RFX3: variants seen among roughly 807,000 people sequenced by gnomAD.
The protein encoded by RFX3 is transcription factor RFX3.
In RFX3, 14 loss-of-function variants were observed where a neutral mutation model predicts 98.6. The ratio of observed to expected loss-of-function variants is 0.14; its 90% CI spans 0.09 to 0.22. RFX3 has a LOEUF of 0.22. Ranked by LOEUF, RFX3 falls within the 10% of genes least tolerant of loss-of-function variation. The pLI is 1.00. For synonymous variants in RFX3, 383 were observed against 328.4 expected, an observed-to-expected ratio of 1.17 and a Z score of -1.80; for missense variants, 639 against 926.9, an observed-to-expected ratio of 0.69 and a Z score of 4.03.
At chr9:3,518,692 A>C (rs1387130763) in intron 1 of RFX3, among the ~76,000 whole-genome samples, 1 of 152,224 alleles carries the variant, frequency 6.6e-6, no homozygotes, top group Non-Finnish European at 1.5e-5. Context: ...TTAATAATTA[A>C]GCAGCCAACT....
intron 1 of RFX3, among the ~76,000 whole-genome samples, chr9:3,454,490 C>T (rs1846971771): frequency 6.6e-6 from 1 of 152,136 alleles, no homozygotes; most frequent in East Asian, 1.9e-4. Flanking sequence ...GTAAAACTCA[C>T]TTAAAATCAC....
intron 8 of RFX3, among the ~76,000 whole-genome samples, chr9:3,276,552 A>G (rs1268036090): frequency 6.6e-6 from 1 of 152,128 alleles, no homozygotes; most frequent in African/African-American, 2.4e-5. Context: ...GGTCCACAAG[A>G]ATATAACCCT....
At position 3,412,989 on chromosome 9, in the gene RFX3, T is replaced by C. The variant is rs184048329; in HGVS notation, c.-8-17393A>G. On this transcript the variant is annotated intron_variant, in intron 1 of 16. Transcript: ENST00000617270. ...ATATGTTTTATATTGAGTCTAAAAA[T>C]CACACTTCTTTAATTGGTTAAAGCA... Among the ~76,000 whole-genome samples the C allele has an allele frequency of 1.5e-3, 235 of 152,204 alleles. 1 individual carries two copies. The highest frequency in any genetic ancestry group is 5.4e-3 in the African/African-American group (223 of 41,556).
intron 2 of RFX3, among the ~76,000 whole-genome samples, chr9:3,353,358 T>C (rs116685731): frequency 0.072 from 10,961 of 151,866 alleles, 494 homozygotes; most frequent in African/African-American, 0.12. Context: ...AATACTAAAA[T>C]AAAATAAAAT....
At chr9:3,443,196 A>G (rs1845748772) in intron 1 of RFX3, among the ~76,000 whole-genome samples, 1 of 152,154 alleles carries the variant, frequency 6.6e-6, no homozygotes, top group African/African-American at 2.4e-5. Flanking sequence ...CTAACATTTT[A>G]TTTTCTTCAA....
At position 3,312,180 on chromosome 9, in the gene RFX3, G is replaced by T. The variant is rs558899382; in HGVS notation, c.475-10560C>A. On this transcript the variant is annotated intron_variant, in intron 4 of 16. Coordinates refer to ENST00000617270, the MANE Select transcript of RFX3 (RefSeq NM_001282116.2). ...TTTAGTTTCAGTCATATGTATACAT[G>T]TACATGTATATACATAGTCACATGT... is the stretch of plus-strand genomic sequence containing the variant. Among the ~76,000 whole-genome samples, 7 of 152,242 alleles carry T rather than the reference G, an allele frequency of 4.6e-5. 1 individual carries two copies. The South Asian group carries it at 1.5e-3, about 32-fold the overall frequency.
chr9:3,500,365 G>C (rs1459961979), intron 1 of RFX3, among the ~76,000 whole-genome samples: 5 of 152,084 alleles, frequency 3.3e-5, no homozygotes, highest in Non-Finnish European at 7.4e-5. Flanking sequence ...TTTGTTAAAA[G>C]AAATGTGGAT....
At chr9:3,451,406 C>G (rs576324744) in intron 1 of RFX3, among the ~76,000 whole-genome samples, 9 of 152,122 alleles carry the variant, frequency 5.9e-5, no homozygotes, top group African/African-American at 1.9e-4. Flanking sequence ...ATTAGCAGGG[C>G]ATGGTGGCGT....
chr9:3,377,817 C>G lies in RFX3; in HGVS notation c.117+17655G>C, dbSNP rs200093981. On this transcript the variant is annotated intron_variant, in intron 2 of 16. Transcript: ENST00000617270. ...ATACAGGTATATATGTTTGCCAAAACTCATCAAACAGTACACTTAAATAGG... is the reference window on the plus strand; with the variant it reads ...ATACAGGTATATATGTTTGCCAAAAGTCATCAAACAGTACACTTAAATAGG... Among the ~76,000 whole-genome samples the G allele has an allele frequency of 4.2e-4, 64 of 152,168 alleles. 1 individual carries two copies. In the East Asian group the frequency reaches 8.5e-3, roughly 20 times the overall value.
At chr9:3,296,952 T>C (rs528679226) in intron 5 of RFX3, among the ~76,000 whole-genome samples, 2 of 152,216 alleles carry the variant, frequency 1.3e-5, no homozygotes, top group Admixed American at 1.3e-4. Flanking sequence ...ATTTAACTTT[T>C]ACGTTTTGAC....
intron 1 of RFX3, among the ~76,000 whole-genome samples, chr9:3,419,080 T>C (rs955990386): frequency 2.0e-5 from 3 of 152,224 alleles, no homozygotes; most frequent in African/African-American, 7.2e-5. Flanking sequence ...TTTATGAATT[T>C]GTTTTAAATG....
intron 2 of RFX3, among the ~76,000 whole-genome samples, chr9:3,381,104 C>T (rs1347428311): frequency 1.3e-5 from 2 of 152,016 alleles, no homozygotes; most frequent in African/African-American, 4.8e-5. Flanking sequence ...TAAGCATAAT[C>T]ATGAGTTTTA....
rs1294534769 is a variant in RFX3 at position 3,293,067 on chromosome 9, C to A, written c.731+10G>T. ...GAGATTAGTTTATGATCTTATTTTT[C>A]AATACTAACCTAGTGCCCAATCTCC... On this transcript the variant is annotated intron_variant, in intron 6 of 16. Coordinates refer to ENST00000617270, the MANE Select transcript of RFX3 (RefSeq NM_001282116.2). 2 of 1,590,948 alleles carry A rather than the reference C, an allele frequency of 1.3e-6. No individual in the cohort carries two copies. The highest frequency in any genetic ancestry group is 2.3e-5 in the South Asian group (2 of 87,322).
chr9:3,325,558 C>A lies in RFX3; in HGVS notation c.474+4701G>T, dbSNP rs574394301. Among the ~76,000 whole-genome samples, 123 of 151,918 alleles carry A rather than the reference C, an allele frequency of 8.1e-4. 1 individual carries two copies. The highest frequency in any genetic ancestry group is 2.8e-3 in the African/African-American group (118 of 41,446). ...TAAAAATTAACTTTCATATCACGGTCTCAAAAATGATTAATGTAATCTTAA... is the reference window on the plus strand; with the variant it reads ...TAAAAATTAACTTTCATATCACGGTATCAAAAATGATTAATGTAATCTTAA... On this transcript the variant is annotated intron_variant, in intron 4 of 16. Transcript: ENST00000617270.
At chr9:3,378,547 TTTTC>T (rs1034500005) in intron 2 of RFX3, among the ~76,000 whole-genome samples, 4 of 151,214 alleles carry the variant, frequency 2.6e-5, no homozygotes, top group Admixed American at 6.6e-5. Flanking sequence ...CTCATATTTT[TTTTC>T]TTTCTTTTTT....
intron 7 of RFX3, among the ~76,000 whole-genome samples, chr9:3,281,778 G>C (rs1227119420): frequency 6.6e-6 from 1 of 151,772 alleles, no homozygotes; most frequent in Non-Finnish European, 1.5e-5. Context: ...CTGCTATTTA[G>C]GACTTGGACA....
intron 14 of RFX3, among the ~76,000 whole-genome samples, chr9:3,248,972 T>A (rs535442929): frequency 9.2e-4 from 140 of 152,288 alleles, no homozygotes; most frequent in South Asian, 1.7e-3. Context: ...ATGCCAATCA[T>A]TAAGCTTGTT....
At chr9:3,509,780 T>C (rs1157502561) in intron 1 of RFX3, among the ~76,000 whole-genome samples, 1 of 149,364 alleles carries the variant, frequency 6.7e-6, no homozygotes, top group Non-Finnish European at 1.5e-5. Flanking sequence ...CTAAAGGCAG[T>C]ACATTTGAGT....
intron 2 of RFX3, among the ~76,000 whole-genome samples, chr9:3,374,433 AAGGGC>A (rs142239357): frequency 0.18 from 27,877 of 151,982 alleles, 4,531 homozygotes; most frequent in African/African-American, 0.44. Context: ...CATAATTCAC[AAGGGC>A]AGGGCCAAAA....
Sources: allele counts gnomAD v4.1 joint callset (sites outside exome capture counted in the v4.1 genomes callset), GRCh38; gene constraint gnomAD v4.1.1; transcripts MANE v1.5; gene names NCBI Gene and HGNC (gene_info 2026-07-23, HGNC 2026-07-21).